Variants in EML5 observed in about 807,000 individuals in gnomAD.
EML5 encodes the protein echinoderm microtubule-associated protein-like 5.
A neutral mutation model predicts 250.0 loss-of-function variants in EML5; 120 were observed. The ratio of observed to expected loss-of-function variants is 0.48; its 90% confidence interval spans 0.41 to 0.56. The LOEUF is 0.56. Among genes scored for constraint, EML5 ranks in the 20% least tolerant of loss-of-function variants. The pLI is 0.00. For missense variants in EML5, 2,006 were observed against 2,437.6 expected (o/e 0.82, Z 3.73); for synonymous variants, 771 against 806.5 (o/e 0.96, Z 0.75).
chr14:88,783,714 G>A (rs2094521841), intron 1 of EML5, among the ~76,000 whole-genome samples: 1 of 152,148 alleles, frequency 6.6e-6, no homozygotes, highest in Admixed American at 6.5e-5. Context: ...TATAATAGCT[G>A]GAGATTTCAA....
intron 11 of EML5, chr14:88,705,953 C>A: frequency 1.9e-6 from 1 of 533,990 alleles, no homozygotes; most frequent in Non-Finnish European, 3.4e-6. Context: ...TCAATAAAAG[C>A]ATTTACAAAA....
chr14:88,664,022 A>C (rs1278656270), intron 23 of EML5, among the ~76,000 whole-genome samples: 1 of 152,020 alleles, frequency 6.6e-6, no homozygotes, highest in Non-Finnish European at 1.5e-5. Context: ...TCATGCCTAT[A>C]ATCACAGCAC....
chr14:88,663,007 C>T, intron 24 of EML5, 24 bp downstream of exon 24: 1 of 1,518,862 alleles, frequency 6.6e-7, no homozygotes, highest in African/African-American at 1.4e-5. Flanking sequence ...ATGAACAACA[C>T]TGCAAGCACC....
intron 33 of EML5, among the ~76,000 whole-genome samples, chr14:88,631,143 ATTACT>A (rs1262821557): frequency 1.3e-5 from 2 of 151,328 alleles, no homozygotes; most frequent in Non-Finnish European, 3.0e-5. Context: ...GAGGGCTGAA[ATTACT>A]TTATCAGAGA....
intron 31 of EML5, among the ~76,000 whole-genome samples, chr14:88,639,398 G>A (rs2090931541): frequency 6.6e-6 from 1 of 152,156 alleles, no homozygotes; most frequent in Admixed American, 6.5e-5. Flanking sequence ...TGGAAAGGCA[G>A]CTTGGGACTA....
chr14:88,647,819 A>G (rs1595362668), intron 28 of EML5, among the ~76,000 whole-genome samples: 1 of 152,134 alleles, frequency 6.6e-6, no homozygotes, highest in Non-Finnish European at 1.5e-5. Context: ...AAAGCTTGCC[A>G]TTCTTATTTT....
chr14:88,737,276 C>A (rs1212775562), intron 6 of EML5, among the ~76,000 whole-genome samples: 1 of 152,226 alleles, frequency 6.6e-6, no homozygotes, highest in Non-Finnish European at 1.5e-5. Flanking sequence ...GTAACACCCC[C>A]TTTGGGGCTT....
Position 88,664,627 on chromosome 14 carries a change from A to G in EML5, c.3278-3T>C. On this transcript the variant is annotated splice_region_variant and splice_polypyrimidine_tract_variant and intron_variant, in intron 22 of 43. Transcript: ENST00000554922. Reference sequence around the variant, plus strand: ...TACAGCAAGATATTTCCCAGAACCTATAATAGAAACATATTTGCTTGACAT... The same window carrying G: ...TACAGCAAGATATTTCCCAGAACCTGTAATAGAAACATATTTGCTTGACAT... 3 of 1,600,776 alleles carry G rather than the reference A, an allele frequency of 1.9e-6. No homozygotes were observed. The highest frequency in any genetic ancestry group is 2.6e-6 in the Non-Finnish European group (3 of 1,176,282).
At chr14:88,769,435 C>G (rs981594297) in intron 1 of EML5, among the ~76,000 whole-genome samples, 1 of 152,210 alleles carries the variant, frequency 6.6e-6, no homozygotes, top group Non-Finnish European at 1.5e-5. Context: ...ACCTACAGAA[C>G]TGTGAGCCAG....
In EML5 at chr14:88,788,733, G is replaced by A. The variant is rs562726153; in HGVS notation, c.197+3574C>T. On this transcript the variant is annotated intron_variant, in intron 1 of 43. Coordinates refer to ENST00000554922, the MANE Select transcript of EML5 (RefSeq NM_183387.3). ...AACAATCTTGCAAAAATTTGCTTAC[G>A]GGAAGTACCTAGAATAATAAATTTG... Among the ~76,000 whole-genome samples the A allele has an allele frequency of 1.3e-3, 201 of 151,930 alleles. 1 individual carries two copies. Among genetic ancestry groups the A allele is most frequent in the African/African-American group, 4.6e-3 (192 of 41,426 alleles).
At chr14:88,648,134 G>C (rs1456123939) in intron 28 of EML5, among the ~76,000 whole-genome samples, 1 of 151,972 alleles carries the variant, frequency 6.6e-6, no homozygotes, top group Admixed American at 6.6e-5. Flanking sequence ...AAATTGGAAG[G>C]AATCATGAAA....
chr14:88,719,329 TGAG>T lies in EML5; in HGVS notation c.1188-4137_1188-4135del, dbSNP rs1407081427. 3.8e-5 allele frequency among the ~76,000 whole-genome samples: 4 copies of T among 105,064 alleles called. No individual in the cohort carries two copies. In the East Asian group the frequency reaches 2.8e-3, roughly 74 times the overall value. The allele number at this position is 105,064 out of a possible 152,430, so 68.9% of individuals were successfully genotyped here. ...TGAGCCCAGGAGTTCGAGGCTGCAG[TGAG>T]CTGTGATTGTGCTACTGTACTCCAG... is the stretch of plus-strand genomic sequence containing the variant. On this transcript the variant is annotated intron_variant, in intron 8 of 43. Transcript: ENST00000554922.
In EML5 at chr14:88,715,285, G is replaced by T. The variant is rs1461642947; in HGVS notation, c.1188-90C>A. 4 of 1,260,878 alleles carry T rather than the reference G, an allele frequency of 3.2e-6. No individual in the cohort carries two copies. In the African/African-American group the frequency reaches 6.0e-5, roughly 19 times the overall value. The allele number at this position is 1,260,878 out of a possible 1,614,324, so 78.1% of individuals were successfully genotyped here. On this transcript the variant is annotated intron_variant, in intron 8 of 43. Coordinates refer to ENST00000554922, the MANE Select transcript of EML5 (RefSeq NM_183387.3). ...ACATGTCTAAAATGACCGTGAAGCT[G>T]TATCAAGTGTTTATAAACTATAAAG...
In EML5 at chr14:88,657,389, A is replaced by G; in HGVS notation, c.3991T>C (p.Ser1331Pro). 1 of 1,576,374 alleles carries G rather than the reference A, an allele frequency of 6.3e-7. No individual in the cohort carries two copies. The highest frequency in any genetic ancestry group is 1.3e-5 in the African/African-American group (1 of 74,502). The change falls in exon 27 of 44, where the codon TCA becomes CCA. Residue 1331 changes from serine (S) to proline (P), a missense_variant. Physicochemically the swap from Ser to Pro is moderately conservative, Grantham distance 74. Coordinates refer to ENST00000554922, the MANE Select transcript of EML5 (RefSeq NM_183387.3). ...CTAAATTATTACCTTTCATCAATTGAGGGTTCTTTTTGTTGTAAATGAGGC... is the reference window on the plus strand; with the variant it reads ...CTAAATTATTACCTTTCATCAATTGGGGGTTCTTTTTGTTGTAAATGAGGC... Reference protein sequence around the residue: ...IKPHLQQKEPSIDERQGVVRG... With the variant: ...IKPHLQQKEPPIDERQGVVRG...
At chr14:88,730,396 T>G (rs1433081907) in intron 7 of EML5, among the ~76,000 whole-genome samples, 1 of 152,226 alleles carries the variant, frequency 6.6e-6, no homozygotes, top group Non-Finnish European at 1.5e-5. Context: ...GTGGTTGATT[T>G]GTTAGCCAAG....
chr14:88,625,193 T>C, intron 35 of EML5, 66 bp from the exon 36 acceptor site: 2 of 1,555,860 alleles, frequency 1.3e-6, no homozygotes, highest in Non-Finnish European at 8.7e-7. Flanking sequence ...AAATAGATAA[T>C]TTTCTATGTA....
intron 8 of EML5, among the ~76,000 whole-genome samples, chr14:88,716,988 G>C (rs1441941076): frequency 6.6e-6 from 1 of 152,198 alleles, no homozygotes. Context: ...TTTCTTTTAA[G>C]AAGCAGAAGG....
At chr14:88,644,310 G>A (rs890227371) in intron 30 of EML5, 123 bp downstream of exon 30, 1 of 809,610 alleles carries the variant, frequency 1.2e-6, no homozygotes, top group Non-Finnish European at 1.9e-6. Context: ...TAAGAATTAA[G>A]TCAAACAAAA....
At chr14:88,680,801 A>G (rs2401749) in intron 21 of EML5, among the ~76,000 whole-genome samples, 97,220 of 151,962 alleles carry the variant, frequency 0.64, 33,124 homozygotes, top group East Asian at 0.94. Context: ...CCACACCCTC[A>G]ATCCAGACAT....
Sources: gnomAD v4.1 joint callset for allele counts (sites outside exome capture counted in the v4.1 genomes callset) on GRCh38, gnomAD v4.1.1 for gene constraint, MANE v1.5 for transcripts, NCBI Gene and HGNC (gene_info 2026-07-23, HGNC 2026-07-21) for gene names.